LRR1: variants seen among roughly 807,000 people sequenced by gnomAD.
LRR1 encodes leucine-rich repeat protein 1.
A neutral mutation model predicts 31.6 loss-of-function variants in LRR1; 29 were observed. That is an observed-to-expected ratio of 0.92 (90% confidence interval 0.68 to 1.25). The LOEUF (loss-of-function observed/expected upper bound fraction) is 1.25. Ranked by LOEUF, LRR1 falls within the 50% of genes most tolerant of loss-of-function variation. The pLI is 0.00. For missense variants in LRR1, 485 were observed against 487.2 expected, an observed-to-expected ratio of 1.00 and a Z score of 0.04; for synonymous variants, 179 against 181.4, an observed-to-expected ratio of 0.99 and a Z score of 0.10.
intron 3 of LRR1, among the ~76,000 whole-genome samples, chr14:49,608,358 C>T (rs1168127268): frequency 7.3e-6 from 1 of 136,528 alleles, no homozygotes; most frequent in African/African-American, 2.8e-5. Flanking sequence ...AAAGGTCTTA[C>T]CTGTCCATTC....
chr14:49,604,344 TG>T (rs1192424188), intron 2 of LRR1, among the ~76,000 whole-genome samples: 1 of 151,222 alleles, frequency 6.6e-6, no homozygotes, highest in East Asian at 2.0e-4. Flanking sequence ...TACCATAAAC[TG>T]GCTGGGTGCA....
At chr14:49,608,649 T>G (rs1275410142) in intron 3 of LRR1, among the ~76,000 whole-genome samples, 1 of 151,630 alleles carries the variant, frequency 6.6e-6, no homozygotes, top group East Asian at 1.9e-4. Context: ...TGAATGGCAT[T>G]GTTTCTCAAA....
rs181921703 is a variant in LRR1, at chr14:49,604,588, G to A, written c.282+2120G>A. On this transcript the variant is annotated intron_variant, in intron 2 of 3. Transcript: ENST00000298288. ...TGCACCTGTAATCTCAGCTACTTGGGAGGCTGAGGTGGAGGGTCACCTGAG... is the reference window on the plus strand; with the variant it reads ...TGCACCTGTAATCTCAGCTACTTGGAAGGCTGAGGTGGAGGGTCACCTGAG... 2.0e-4 allele frequency among the ~76,000 whole-genome samples: 30 copies of A among 152,084 alleles called. 2 individuals are homozygous for A. In the East Asian group the frequency reaches 5.6e-3, roughly 29 times the overall value.
rs374546767 is a variant in LRR1 at position 49,602,375 on chromosome 14, G to A, written c.189G>A (p.Arg63=). Residue 63 remains arginine (R), a synonymous_variant, in exon 2 of 4, where the codon AGG becomes AGA. Transcript: ENST00000298288. The stretch of plus-strand genomic sequence containing the variant: ...TTTCTATTGGTTTTATGCAGCTAAG[G>A]GAGAACATTGAGCAATTCTTCACCA... ...KDKRGTRYEL[R]ENIEQFFTKF... is the part of the protein sequence containing the mutation. 8.1e-6 allele frequency: 13 copies of A among 1,612,750 alleles called. No homozygotes were observed. Among genetic ancestry groups the A allele is most frequent in the South Asian group, 1.1e-5 (1 of 91,036 alleles).
intron 2 of LRR1, chr14:49,603,424 C>A: frequency 5.0e-6 from 1 of 201,668 alleles, no homozygotes; most frequent in Non-Finnish European, 9.3e-6. Context: ...GCCAGCTAAA[C>A]CACAGGTTAC....
intron 3 of LRR1, among the ~76,000 whole-genome samples, chr14:49,608,976 C>T (rs1483093555): frequency 2.3e-5 from 3 of 127,710 alleles, no homozygotes; most frequent in Non-Finnish European, 3.1e-5. Context: ...TGGTGCGAAG[C>T]GATCTCGGCT....
At chr14:49,606,759 C>T (rs188094123) in intron 2 of LRR1, among the ~76,000 whole-genome samples, 47 of 151,784 alleles carry the variant, frequency 3.1e-4, no homozygotes, top group African/African-American at 1.1e-3. Context: ...CGGGTTCAAG[C>T]GATTCTCCTT....
At chr14:49,603,820 G>A (rs1286054884) in intron 2 of LRR1, among the ~76,000 whole-genome samples, 1 of 148,382 alleles carries the variant, frequency 6.7e-6, no homozygotes, top group South Asian at 2.2e-4. Context: ...CAGCCTCCCA[G>A]TAGCTGGGAT....
rs1566495120 is a variant in LRR1 at position 49,607,491 on chromosome 14, C to G, written c.374C>G (p.Pro125Arg). The G allele has an allele frequency of 6.2e-7, 1 of 1,614,096 alleles. No individual in the cohort carries two copies. The change falls in exon 3 of 4, where the codon CCA becomes CGA. Residue 125 changes from proline to arginine, a missense_variant. Around this residue, in one of 3 missense-constraint regions of LRR1, gnomAD observed 260 missense variants for 249.6 expected, o/e 1.04. Transcript: ENST00000298288. ...NVDTPVSTLT[P>R]VKTSEFENFK... ...GATACACCAGTTTCAACGCTCACAC[C>G]AGTGAAGACTTCAGAATTTGAAAAC...
chr14:49,607,274 C>T, intron 2 of LRR1, 126 bp from the exon 3 acceptor site: 1 of 1,073,788 alleles, frequency 9.3e-7, no homozygotes, highest in Non-Finnish European at 1.3e-6. Context: ...AAAAGTTTTA[C>T]AGTCAATTTC....
intron 3 of LRR1, among the ~76,000 whole-genome samples, chr14:49,612,083 G>C (rs1050972309): frequency 3.3e-5 from 5 of 152,242 alleles, no homozygotes; most frequent in African/African-American, 1.2e-4. Context: ...ACATGAAAAA[G>C]TACAAAGTTG....
chr14:49,607,344 G>A, intron 2 of LRR1, 56 bp from the exon 3 acceptor site: 3 of 1,455,448 alleles, frequency 2.1e-6, no homozygotes, highest in South Asian at 3.0e-5. Flanking sequence ...GGAAGAACTA[G>A]CATGTATGTA....
chr14:49,605,058 G>T (rs1237192256), intron 2 of LRR1, among the ~76,000 whole-genome samples: 1 of 151,946 alleles, frequency 6.6e-6, no homozygotes, highest in Non-Finnish European at 1.5e-5. Context: ...ACCATACCAG[G>T]CTAATTTTTT....
intron 2 of LRR1, among the ~76,000 whole-genome samples, chr14:49,605,480 ACT>A (rs1345189495): frequency 1.3e-5 from 2 of 152,230 alleles, no homozygotes; most frequent in Non-Finnish European, 2.9e-5. Context: ...TACTGAAAAC[ACT>A]GTCTCAGAGA....
intron 1 of LRR1, 133 bp from the exon 2 acceptor site, chr14:49,602,237 T>C: frequency 2.0e-6 from 1 of 506,472 alleles, no homozygotes; most frequent in Non-Finnish European, 3.3e-6. Flanking sequence ...AAACTTAAAA[T>C]GAAAACACTC....
At chr14:49,605,725 G>C (rs1341393917) in intron 2 of LRR1, among the ~76,000 whole-genome samples, 1 of 152,124 alleles carries the variant, frequency 6.6e-6, no homozygotes, top group African/African-American at 2.4e-5. Flanking sequence ...GTCCTCTGCT[G>C]TTTTCTGTCA....
chr14:49,608,249 C>A, intron 3 of LRR1, 128 bp downstream of exon 3: 1 of 950,356 alleles, frequency 1.1e-6, no homozygotes, highest in Non-Finnish European at 1.5e-6. Context: ...CTATAATGGT[C>A]TTCTTGTTCC....
At position 49,598,954 on chromosome 14, in the gene LRR1, C is replaced by T. The variant is rs1594581557; in HGVS notation, c.-67C>T. On this transcript the variant is annotated 5_prime_UTR_variant, in exon 1 of 4. Coordinates refer to ENST00000298288, the MANE Select transcript of LRR1 (RefSeq NM_152329.4). ...CCCGCGTGCGCGAGGACCCCGATGG[C>T]GGCGCCGGGTGGCGGGAAGGAGGAA... The T allele has an allele frequency of 2.0e-6, 3 of 1,520,884 alleles. No homozygotes were observed. The East Asian group carries it at 7.2e-5, about 36-fold the overall frequency. The allele number at this position is 1,520,884 out of a possible 1,614,324, so 94.2% of individuals were successfully genotyped here.
chr14:49,609,107 C>T (rs1322074569), intron 3 of LRR1, among the ~76,000 whole-genome samples: 42 of 147,468 alleles, frequency 2.8e-4, no homozygotes, highest in African/African-American at 8.5e-4. Flanking sequence ...TTAGTAGAGA[C>T]GGGGTTTCAC....
Sources: gnomAD v4.1 joint callset for allele counts (sites outside exome capture counted in the v4.1 genomes callset) on GRCh38, gnomAD v4.1.1 for gene constraint, gnomAD v4.1.1 regional missense constraint, MANE v1.5 for transcripts, NCBI Gene and HGNC (gene_info 2026-07-23, HGNC 2026-07-21) for gene names.